Variants in ROBO1 observed in about 807,000 individuals in gnomAD.
The protein encoded by ROBO1 is roundabout guidance receptor 1, also known as roundabout homolog 1.
Under a neutral mutation model 195.9 loss-of-function variants are expected in ROBO1, and 149 were observed. That is an observed-to-expected ratio of 0.76 (90% confidence interval 0.67 to 0.87). The LOEUF (loss-of-function observed/expected upper bound fraction) is 0.87. ROBO1 is among the 40% of genes least tolerant of loss of function. The pLI, the probability that ROBO1 is intolerant of heterozygous loss-of-function variation, is 0.00. For synonymous variants in ROBO1, 816 were observed against 733.2 expected (o/e 1.11, Z -1.82); for missense variants, 1,933 against 2,068.3 (o/e 0.93, Z 1.27).
chr3:79,620,876 C>G (rs1296633030), intron 1 of ROBO1, among the ~76,000 whole-genome samples: 1 of 152,086 alleles, frequency 6.6e-6, no homozygotes, highest in Admixed American at 6.5e-5. Flanking sequence ...TTAAAGCCTA[C>G]AAATTCTCCT....
chr3:79,049,675 T>C (rs1220388796), intron 3 of ROBO1, among the ~76,000 whole-genome samples: 1 of 152,042 alleles, frequency 6.6e-6, no homozygotes, highest in Non-Finnish European at 1.5e-5. Flanking sequence ...ACAAAGGGAA[T>C]CCCATAAGAC....
At chr3:79,138,523 A>G (rs927179765) in intron 2 of ROBO1, among the ~76,000 whole-genome samples, 1 of 152,012 alleles carries the variant, frequency 6.6e-6, no homozygotes, top group African/African-American at 2.4e-5. Flanking sequence ...GTAAATTACT[A>G]TTTCTAATAG....
intron 1 of ROBO1, among the ~76,000 whole-genome samples, chr3:79,628,124 C>T (rs570414208): frequency 1.3e-5 from 2 of 152,174 alleles, no homozygotes; most frequent in East Asian, 3.9e-4. Context: ...CCCAGCAATC[C>T]CATTACTGAG....
At chr3:79,062,256 A>G (rs969145942) in intron 3 of ROBO1, among the ~76,000 whole-genome samples, 1 of 152,196 alleles carries the variant, frequency 6.6e-6, no homozygotes, top group African/African-American at 2.4e-5. Context: ...AATGCTCATC[A>G]TCACTGGTCA....
chr3:79,740,236 A>AATATATATAT (rs34984469), intron 1 of ROBO1, among the ~76,000 whole-genome samples: 2 of 143,644 alleles, frequency 1.4e-5, no homozygotes, highest in South Asian at 2.1e-4. Flanking sequence ...TTTATATATA[A>AATATATATAT]ATATATATAT....
intron 2 of ROBO1, among the ~76,000 whole-genome samples, chr3:79,179,709 T>G (rs1347926686): frequency 6.6e-6 from 1 of 152,214 alleles, no homozygotes; most frequent in Non-Finnish European, 1.5e-5. Flanking sequence ...ATGAATACTT[T>G]TGAAGCTTGT....
At chr3:79,743,682 T>C (rs1703745037) in intron 1 of ROBO1, among the ~76,000 whole-genome samples, 1 of 152,214 alleles carries the variant, frequency 6.6e-6, no homozygotes, top group African/African-American at 2.4e-5. Context: ...TACACAAAAA[T>C]ATTTTCTTTC....
At chr3:78,638,696 C>A (rs1032212810) in intron 22 of ROBO1, among the ~76,000 whole-genome samples, 4 of 151,806 alleles carry the variant, frequency 2.6e-5, no homozygotes, top group African/African-American at 9.7e-5. Context: ...ATAGCAAGAC[C>A]TGCATCTCTA....
At chr3:79,198,451 T>C (rs1283181787) in intron 2 of ROBO1, among the ~76,000 whole-genome samples, 4 of 152,094 alleles carry the variant, frequency 2.6e-5, no homozygotes, top group Non-Finnish European at 5.9e-5. Context: ...CCTTATAGTA[T>C]AGTTTGAAGT....
intron 3 of ROBO1, among the ~76,000 whole-genome samples, chr3:79,077,292 A>T (rs991651617): frequency 4.6e-5 from 7 of 151,906 alleles, no homozygotes; most frequent in African/African-American, 1.7e-4. Context: ...AATTCCTAGA[A>T]CTATATGAGG....
intron 4 of ROBO1, among the ~76,000 whole-genome samples, chr3:78,892,442 C>T (rs1004849496): frequency 4.6e-5 from 7 of 152,236 alleles, no homozygotes; most frequent in African/African-American, 1.7e-4. Context: ...CAGATTATCA[C>T]CTTGGGCAAG....
Position 78,938,755 on chromosome 3 carries a change from A to AG in ROBO1, c.344dup (p.Arg116SerfsTer24). On this transcript the variant is annotated frameshift_variant, in exon 4 of 31. Transcript: ENST00000464233. LOFTEE classifies it high-confidence loss of function. Reference sequence around the variant, plus strand: ...TCGGCAGCAACATTCGGTGTGAGCGAGGGTCATCTTTGTCTGTCTCCACTC... The same window carrying AG: ...TCGGCAGCAACATTCGGTGTGAGCGAGGGGTCATCTTTGTCTGTCTCCACTC... 1 of 1,613,968 alleles carries AG rather than the reference A, an allele frequency of 6.2e-7. No individual in the cohort carries two copies.
intron 8 of ROBO1, among the ~76,000 whole-genome samples, chr3:78,704,992 A>T (rs1375092467): frequency 1.3e-5 from 2 of 152,306 alleles, no homozygotes; most frequent in East Asian, 3.9e-4. Flanking sequence ...TTTCCAGATT[A>T]AATTATATTG....
chr3:78,849,831 T>TACACACAC (rs576994363), intron 4 of ROBO1, among the ~76,000 whole-genome samples: 2,871 of 79,582 alleles, frequency 0.036, 90 homozygotes, highest in African/African-American at 0.088. Context: ...TCTCTCCCAT[T>TACACACAC]ACACACACAC....
intron 2 of ROBO1, among the ~76,000 whole-genome samples, chr3:79,166,624 G>A (rs2081071102): frequency 1.3e-5 from 2 of 149,602 alleles, no homozygotes; most frequent in Admixed American, 1.3e-4. Flanking sequence ...GGAGTGCAGT[G>A]GTGCAATCTC....
At chr3:79,296,207 A>G (rs969944601) in intron 2 of ROBO1, among the ~76,000 whole-genome samples, 9 of 152,212 alleles carry the variant, frequency 5.9e-5, no homozygotes, top group African/African-American at 2.2e-4. Flanking sequence ...GAAGCATTAC[A>G]TAAGACACAT....
At chr3:79,493,265 A>G (rs1358389107) in intron 2 of ROBO1, among the ~76,000 whole-genome samples, 1 of 152,022 alleles carries the variant, frequency 6.6e-6, no homozygotes, top group Non-Finnish European at 1.5e-5. Flanking sequence ...TGCTACAAAA[A>G]CATAATTTTT....
chr3:78,959,096 C>T (rs897023501), intron 3 of ROBO1, among the ~76,000 whole-genome samples: 2 of 152,098 alleles, frequency 1.3e-5, no homozygotes, highest in South Asian at 2.1e-4. Context: ...AGCACTGTAC[C>T]GGCCCACCCT....
At chr3:79,474,507 T>G (rs1395133961) in intron 2 of ROBO1, among the ~76,000 whole-genome samples, 5 of 152,080 alleles carry the variant, frequency 3.3e-5, no homozygotes, top group Non-Finnish European at 7.4e-5. Flanking sequence ...GAAACATAAA[T>G]GCAAATTTCT....
Sources: allele counts gnomAD v4.1 joint callset (sites outside exome capture counted in the v4.1 genomes callset), GRCh38; gene constraint gnomAD v4.1.1; transcripts MANE v1.5; gene names NCBI Gene and HGNC (gene_info 2026-07-23, HGNC 2026-07-21).